PRAG1: variants seen among roughly 807,000 people sequenced by gnomAD.
PRAG1 encodes the protein inactive tyrosine-protein kinase PRAG1.
Under a neutral mutation model 95.6 loss-of-function variants are expected in PRAG1, and 110 were observed. The ratio of observed to expected loss-of-function variants is 1.15; its 90% CI spans 0.99 to 1.35. The LOEUF (loss-of-function observed/expected upper bound fraction) is 1.35, where lower values mean the gene tolerates loss of function less well. Ranked by LOEUF, PRAG1 falls within the 40% of genes most tolerant of loss-of-function variation. PRAG1 has a pLI of 0.00. For synonymous variants in PRAG1, 1,052 were observed against 819.4 expected, an observed-to-expected ratio of 1.28 and a Z score of -4.85; for missense variants, 2,554 against 1,864.7, an observed-to-expected ratio of 1.37 and a Z score of -6.81.
chr8:8,344,739 G>C (rs750384078), intron 3 of PRAG1, among the ~76,000 whole-genome samples: 1 of 152,142 alleles, frequency 6.6e-6, no homozygotes, highest in Non-Finnish European at 1.5e-5. Context: ...AATGAGGCAG[G>C]GGGTGGCTGC....
chr8:8,349,562 C>T (rs961065365), intron 3 of PRAG1, among the ~76,000 whole-genome samples: 1 of 152,020 alleles, frequency 6.6e-6, no homozygotes, highest in Admixed American at 6.6e-5. Context: ...GATTACAGGC[C>T]TGAGCCACCG....
chr8:8,372,745 A>T (rs915189865), intron 3 of PRAG1, among the ~76,000 whole-genome samples: 1 of 152,254 alleles, frequency 6.6e-6, no homozygotes, highest in Admixed American at 6.5e-5. Flanking sequence ...CCAAACATTC[A>T]AAACAGGACC....
rs372233162 is a variant in PRAG1, at chr8:8,324,337, G to A, written c.3072+3373C>T. On this transcript the variant is annotated intron_variant, in intron 5 of 5. Coordinates refer to ENST00000615670, the MANE Select transcript of PRAG1 (RefSeq NM_001080826.3). Reference sequence around the variant, plus strand: ...TGACATTTTGCACAGAGATGTAAATGAAGGAGCAGAGTAAATGGCAACTGG... The same window carrying A: ...TGACATTTTGCACAGAGATGTAAATAAAGGAGCAGAGTAAATGGCAACTGG... Among the ~76,000 whole-genome samples the A allele has an allele frequency of 1.5e-4, 23 of 152,358 alleles. No homozygotes were observed. In the East Asian group the frequency reaches 4.2e-3, roughly 28 times the overall value.
Position 8,327,852 on chromosome 8 carries a change from C to G in PRAG1, c.2930G>C (p.Gly977Ala). ...VAKCEDLFMG[G>A]QKKELHFNEN... The stretch of plus-strand genomic sequence containing the variant: ...ATTGAAGTGGAGCTCCTTTTTCTGG[C>G]CGCCCATGAAGAGGTCCTCACATTT... Residue 977 changes from glycine to alanine, a missense_variant, in exon 5 of 6, where the codon GGC becomes GCC. Gly to Ala is a moderately conservative substitution (Grantham distance 60). Transcript: ENST00000615670. 1 of 1,614,202 alleles carries G rather than the reference C, an allele frequency of 6.2e-7. No individual in the cohort carries two copies. The highest frequency in any genetic ancestry group is 2.2e-5 in the East Asian group (1 of 44,886).
chr8:8,381,250 G>A (rs943377189), intron 2 of PRAG1, among the ~76,000 whole-genome samples, 168 bp downstream of exon 2: 1 of 152,214 alleles, frequency 6.6e-6, no homozygotes, highest in Non-Finnish European at 1.5e-5. Flanking sequence ...AGAGAGAAAG[G>A]AGAGCAGCTA....
chr8:8,327,815 C>G lies in PRAG1; in HGVS notation c.2967G>C (p.Trp989Cys). ...TGTTACAAGTCAGCTTGAAGAGCGA[C>G]CAGTTATTCTCATTGAAGTGGAGCT... ...KKELHFNENN[W>C]SLFKLTCNKP... The change falls in exon 5 of 6, where the codon TGG becomes TGC. Residue 989 changes from tryptophan to cysteine, a missense_variant. By Grantham distance (215) the Trp-to-Cys change is radical (BLOSUM62 -2). Transcript: ENST00000615670. 1 of 1,614,106 alleles carries G rather than the reference C, an allele frequency of 6.2e-7. No individual in the cohort carries two copies. The highest frequency in any genetic ancestry group is 8.5e-7 in the Non-Finnish European group (1 of 1,180,030).
intron 4 of PRAG1, among the ~76,000 whole-genome samples, chr8:8,332,848 A>C (rs1327088872): frequency 3.9e-5 from 6 of 152,200 alleles, no homozygotes; most frequent in South Asian, 4.1e-4. Flanking sequence ...CTGGGGAACT[A>C]TCTCTCCATA....
chr8:8,381,465 C>A lies in PRAG1; in HGVS notation c.283G>T (p.Ala95Ser). The A allele has an allele frequency of 1.9e-6, 3 of 1,614,220 alleles. No homozygotes were observed. Among genetic ancestry groups the A allele is most frequent in the Non-Finnish European group, 2.5e-6 (3 of 1,180,030 alleles). ...TTGGCCTCTGTCCACACATCAGAGG[C>A]CTCGGAGCTCATCATGGTGGGCTTC... The part of the protein sequence containing the change: ...AVKPTMMSSE[A>S]SDVWTEANLS... The change falls in exon 2 of 6, where the codon GCC becomes TCC. Residue 95 changes from alanine to serine, a missense_variant. Coordinates refer to ENST00000615670, the MANE Select transcript of PRAG1 (RefSeq NM_001080826.3).
At chr8:8,374,511 C>G (rs1800315065) in intron 3 of PRAG1, 1 of 334,834 alleles carries the variant, frequency 3.0e-6, no homozygotes, top group Non-Finnish European at 4.2e-6. Flanking sequence ...AGCTTTCTAT[C>G]TCTGCTTTGT....
At chr8:8,375,715 G>T (rs1480186217) in intron 3 of PRAG1, among the ~76,000 whole-genome samples, 1 of 151,866 alleles carries the variant, frequency 6.6e-6, no homozygotes, top group Non-Finnish European at 1.5e-5. Flanking sequence ...AATAGAGACA[G>T]GATCTCCTTA....
intron 2 of PRAG1, among the ~76,000 whole-genome samples, chr8:8,379,009 T>TTTCTGAACTGGATCAGGGTGAGGGGTGGC: frequency 6.6e-6 from 1 of 151,416 alleles, no homozygotes; most frequent in Admixed American, 6.6e-5. Context: ...TGAGGGGTAG[T>TTTCTGAACTGGATCAGGGTGAGGGGTGGC]TTCTGAACTG....
intron 3 of PRAG1, among the ~76,000 whole-genome samples, chr8:8,369,981 CCAGTAACTGG>C (rs1800138807): frequency 6.6e-6 from 1 of 152,134 alleles, no homozygotes; most frequent in Non-Finnish European, 1.5e-5. Context: ...GAACAGAACC[CCAGTAACTGG>C]CTTTTTAGCG....
intron 1 of PRAG1, among the ~76,000 whole-genome samples, chr8:8,383,124 C>A (rs371588159): frequency 7.9e-5 from 12 of 152,158 alleles, no homozygotes; most frequent in East Asian, 7.7e-4. Flanking sequence ...TCTAAACTGT[C>A]AACAGGACTA....
At position 8,363,889 on chromosome 8, in the gene PRAG1, C is replaced by A. The variant is rs144944879; in HGVS notation, c.2162+12358G>T. ...ATTCTCTTAGTTATTTCAGTCAATACCAGTATGAGGTTCACCCATGTTTCT... is the reference window on the plus strand; with the variant it reads ...ATTCTCTTAGTTATTTCAGTCAATAACAGTATGAGGTTCACCCATGTTTCT... On this transcript the variant is annotated intron_variant, in intron 3 of 5. Coordinates refer to ENST00000615670, the MANE Select transcript of PRAG1 (RefSeq NM_001080826.3). Among the ~76,000 whole-genome samples, 848 of 152,178 alleles carry A rather than the reference C, an allele frequency of 5.6e-3. 7 individuals are homozygous for A. The highest frequency in any genetic ancestry group is 9.8e-3 in the Non-Finnish European group (665 of 67,978).
chr8:8,374,900 G>T (rs1474181193), intron 3 of PRAG1, among the ~76,000 whole-genome samples: 1 of 152,056 alleles, frequency 6.6e-6, no homozygotes, highest in African/African-American at 2.4e-5. Flanking sequence ...TCAGCCCAGA[G>T]GCACATCAGC....
chr8:8,377,675 G>T lies in PRAG1; in HGVS notation c.734C>A (p.Ser245Tyr), dbSNP rs1196082568. 1 of 1,613,850 alleles carries T rather than the reference G, an allele frequency of 6.2e-7. No individual in the cohort carries two copies. The highest frequency in any genetic ancestry group is 8.5e-7 in the Non-Finnish European group (1 of 1,179,990). The change falls in exon 3 of 6, where the codon TCC becomes TAC. Residue 245 changes from serine (S) to tyrosine (Y), a missense_variant. Transcript: ENST00000615670. ...GTACTCTCCACCCTCGCTGTCCCCGGAGGGCGAGCACCTTTGATCACTGTC... is the reference window on the plus strand; with the variant it reads ...GTACTCTCCACCCTCGCTGTCCCCGTAGGGCGAGCACCTTTGATCACTGTC... ...EDDSDQRCSP[S>Y]GDSEGGEYCS...
intron 3 of PRAG1, among the ~76,000 whole-genome samples, chr8:8,357,343 C>T (rs1185770766): frequency 6.6e-6 from 1 of 152,000 alleles, no homozygotes; most frequent in South Asian, 2.1e-4. Context: ...CAACAAGAAA[C>T]CAAACAATCC....
chr8:8,368,812 A>G (rs1274512601), intron 3 of PRAG1, among the ~76,000 whole-genome samples: 1 of 152,016 alleles, frequency 6.6e-6, no homozygotes, highest in East Asian at 1.9e-4. Context: ...ACCACACCTT[A>G]GAATTCCTTG....
chr8:8,359,681 C>T (rs1326284720), intron 3 of PRAG1, among the ~76,000 whole-genome samples: 1 of 152,166 alleles, frequency 6.6e-6, no homozygotes, highest in African/African-American at 2.4e-5. Flanking sequence ...TTGCTTTCTC[C>T]TTACTACCTC....
Sources: gnomAD v4.1 joint callset for allele counts (sites outside exome capture counted in the v4.1 genomes callset) on GRCh38, gnomAD v4.1.1 for gene constraint, MANE v1.5 for transcripts, NCBI Gene and HGNC (gene_info 2026-07-23, HGNC 2026-07-21) for gene names.